The following PPP1R9A variants were observed in gnomAD, a reference collection of about 807,000 sequenced individuals.
The protein encoded by PPP1R9A is protein phosphatase 1 regulatory subunit 9A.
PPP1R9A carries 59 observed loss-of-function variants against 141.9 expected under a neutral mutation model. That is an observed-to-expected ratio of 0.42 (90% CI 0.34 to 0.52). The LOEUF is 0.52. Ranked by LOEUF, PPP1R9A falls within the 20% of genes least tolerant of loss-of-function variation. The probability of loss-of-function intolerance (pLI) is 0.10; values close to 1 mark genes in which losing one functional copy is unlikely to be tolerated. For synonymous variants in PPP1R9A, 500 were observed against 569.7 expected, an observed-to-expected ratio of 0.88 and a Z score of 1.74; for missense variants, 1,444 against 1,611.9, an observed-to-expected ratio of 0.90 and a Z score of 1.78.
intron 7 of PPP1R9A, among the ~76,000 whole-genome samples, chr7:95,221,165 C>T (rs2152941839): frequency 6.6e-6 from 1 of 152,204 alleles, no homozygotes; most frequent in Admixed American, 6.6e-5. Context: ...CCAGCAGCAG[C>T]AACAATAGCG....
intron 1 of PPP1R9A, chr7:94,908,132 C>G (rs1584144524): frequency 6.7e-6 from 1 of 149,984 alleles, no homozygotes; most frequent in Non-Finnish European, 1.5e-5. Context: ...CGCGGCGCTC[C>G]CGCTCGGGTA....
intron 2 of PPP1R9A, among the ~76,000 whole-genome samples, chr7:95,026,754 G>C (rs1467847525): frequency 6.6e-6 from 1 of 152,156 alleles, no homozygotes; most frequent in East Asian, 1.9e-4. Context: ...GACTGGGGTT[G>C]CTGCCTTTTT....
intron 16 of PPP1R9A, among the ~76,000 whole-genome samples, chr7:95,279,378 T>C (rs948298655): frequency 1.3e-5 from 2 of 152,118 alleles, no homozygotes; most frequent in Non-Finnish European, 2.9e-5. Context: ...TGTGTGTGAG[T>C]AGAAAAACAC....
intron 4 of PPP1R9A, among the ~76,000 whole-genome samples, chr7:95,126,392 G>T (rs1563274922): frequency 6.6e-6 from 1 of 152,128 alleles, no homozygotes; most frequent in Non-Finnish European, 1.5e-5. Flanking sequence ...TTCAGATTAA[G>T]AATTGCAGGA....
intron 7 of PPP1R9A, among the ~76,000 whole-genome samples, chr7:95,213,235 T>C (rs1792511900): frequency 6.6e-6 from 1 of 152,028 alleles, no homozygotes; most frequent in Non-Finnish European, 1.5e-5. Flanking sequence ...GACAGGTTTG[T>C]TTATCACTCA....
At position 95,281,461 on chromosome 7, in the gene PPP1R9A, C is replaced by T. The variant is rs529835236; in HGVS notation, c.3297-2557C>T. The stretch of plus-strand genomic sequence containing the variant: ...AGCTTCTGTGATCTCCTTCACCGCA[C>T]ATGTAAGAACCACATGGCCTCAAGA... On this transcript the variant is annotated intron_variant, in intron 16 of 19. Transcript: ENST00000433360. 1.1e-4 allele frequency among the ~76,000 whole-genome samples: 17 copies of T among 152,262 alleles called. No homozygotes were observed. In the East Asian group the frequency reaches 3.3e-3, roughly 29 times the overall value.
At chr7:94,912,235 T>C (rs932764828) in intron 2 of PPP1R9A, among the ~76,000 whole-genome samples, 2 of 152,232 alleles carry the variant, frequency 1.3e-5, no homozygotes, top group African/African-American at 4.8e-5. Context: ...GGAATTCACA[T>C]GCTCTAATGA....
intron 2 of PPP1R9A, among the ~76,000 whole-genome samples, chr7:95,076,231 A>G (rs1043504454): frequency 6.6e-5 from 10 of 152,174 alleles, no homozygotes; most frequent in Admixed American, 5.2e-4. Flanking sequence ...AGAATGTTGC[A>G]GGTCACAGAA....
At chr7:95,043,874 C>T (rs1809610363) in intron 2 of PPP1R9A, among the ~76,000 whole-genome samples, 1 of 152,178 alleles carries the variant, frequency 6.6e-6, no homozygotes, top group South Asian at 2.1e-4. Flanking sequence ...TACTCCATGC[C>T]ATTTGTTTTG....
intron 2 of PPP1R9A, among the ~76,000 whole-genome samples, chr7:94,918,565 G>T (rs958795392): frequency 1.3e-5 from 2 of 151,994 alleles, no homozygotes; most frequent in Non-Finnish European, 2.9e-5. Context: ...TCACAGTGTT[G>T]TGCAGCCATC....
intron 2 of PPP1R9A, among the ~76,000 whole-genome samples, chr7:94,981,140 A>G (rs1800057326): frequency 6.6e-6 from 1 of 152,162 alleles, no homozygotes; most frequent in African/African-American, 2.4e-5. Context: ...GTGAGCTAGA[A>G]GCTTAGGTTT....
intron 2 of PPP1R9A, among the ~76,000 whole-genome samples, chr7:95,057,045 G>C (rs1375948301): frequency 6.6e-6 from 1 of 152,044 alleles, no homozygotes; most frequent in Non-Finnish European, 1.5e-5. Flanking sequence ...GTATTATTTG[G>C]AGACTTCACT....
intron 7 of PPP1R9A, among the ~76,000 whole-genome samples, chr7:95,218,586 T>A (rs1303322046): frequency 6.6e-6 from 1 of 152,184 alleles, no homozygotes; most frequent in African/African-American, 2.4e-5. Context: ...TCTCCCATTA[T>A]TATTGTGTGG....
chr7:94,981,606 C>T (rs1800121641), intron 2 of PPP1R9A, among the ~76,000 whole-genome samples: 1 of 152,042 alleles, frequency 6.6e-6, no homozygotes, highest in African/African-American at 2.4e-5. Flanking sequence ...CCTTGTATTA[C>T]AGATAATTTT....
chr7:95,279,181 G>A (rs1585610610), intron 16 of PPP1R9A, among the ~76,000 whole-genome samples: 1 of 152,174 alleles, frequency 6.6e-6, no homozygotes, highest in East Asian at 1.9e-4. Flanking sequence ...GTACTTCATA[G>A]GCTATTTCTC....
intron 2 of PPP1R9A, among the ~76,000 whole-genome samples, chr7:95,105,223 G>A (rs1431656315): frequency 6.6e-6 from 1 of 151,024 alleles, no homozygotes; most frequent in Non-Finnish European, 1.5e-5. Flanking sequence ...AAAATGTATT[G>A]CTGCTGTTTT....
chr7:95,269,128 T>C (rs559246532), intron 13 of PPP1R9A, 79 bp from the exon 14 acceptor site: 55 of 1,331,692 alleles, frequency 4.1e-5, no homozygotes, highest in Non-Finnish European at 5.6e-5. Flanking sequence ...AATAAAAGGT[T>C]GGTCTTATTT....
In PPP1R9A at chr7:95,247,573, A is replaced by T. The variant is rs369158031; in HGVS notation, c.2166+47A>T. 13 of 1,431,826 alleles carry T rather than the reference A, an allele frequency of 9.1e-6. No homozygotes were observed. The East Asian group carries it at 1.1e-4, about 13-fold the overall frequency. 88.7% of individuals were successfully genotyped at this position (1,431,826 alleles called of 1,614,324 possible). A position where few individuals can be genotyped will look rare whatever the true frequency, so the allele number is the denominator to read the frequency against. On this transcript the variant is annotated intron_variant, in intron 9 of 19. Coordinates refer to ENST00000433360, the MANE Select transcript of PPP1R9A (RefSeq NM_001166160.2). ...TTGAATTTTACTTTTTAAACTTCAG[A>T]TACTATGAATAAATCCAATCCTAGG...
chr7:95,024,582 A>G (rs1355297164), intron 2 of PPP1R9A, among the ~76,000 whole-genome samples: 6 of 152,010 alleles, frequency 3.9e-5, no homozygotes, highest in Non-Finnish European at 5.9e-5. Flanking sequence ...GTTTTCTCTT[A>G]GAGTGGGATC....
Sources: gnomAD v4.1 joint callset for allele counts (sites outside exome capture counted in the v4.1 genomes callset) on GRCh38, gnomAD v4.1.1 for gene constraint, MANE v1.5 for transcripts, NCBI Gene and HGNC (gene_info 2026-07-23, HGNC 2026-07-21) for gene names.